The following BZW2 variants were observed in gnomAD, a reference collection of about 807,000 sequenced individuals.
BZW2 encodes the protein eIF5-mimic protein 1.
Under a neutral mutation model 53.2 loss-of-function variants are expected in BZW2, and 23 were observed. That is an observed-to-expected ratio of 0.43 (90% CI 0.31 to 0.61). The LOEUF (loss-of-function observed/expected upper bound fraction) is 0.61, where lower values mean the gene tolerates loss of function less well. BZW2 is among the 20% of genes least tolerant of loss of function. The pLI, the probability that BZW2 is intolerant of heterozygous loss-of-function variation, is 0.09. For missense variants in BZW2, 409 were observed against 503.1 expected (o/e 0.81, Z 1.79); for synonymous variants, 227 against 186.4 (o/e 1.22, Z -1.77).
chr7:16,688,528 G>T (rs978643299), intron 6 of BZW2: 1 of 152,202 alleles, frequency 6.6e-6, no homozygotes, highest in Non-Finnish European at 1.5e-5. Flanking sequence ...GAAAGGGGTG[G>T]TACCAGGACT....
At position 16,688,286 on chromosome 7, in the gene BZW2, C is replaced by T. The variant is rs185350364; in HGVS notation, c.542-1511C>T. Among the ~76,000 whole-genome samples the T allele has an allele frequency of 6.4e-3, 976 of 152,302 alleles. 5 individuals carry two copies. The highest frequency in any genetic ancestry group is 0.015 in the South Asian group (70 of 4,826). The stretch of plus-strand genomic sequence containing the variant: ...TTATCATTCATAGCATTAACTTCAT[C>T]CCAAGGATGGTGCCCCCTCTAGTTG... On this transcript the variant is annotated intron_variant, in intron 6 of 11. Transcript: ENST00000258761.
intron 5 of BZW2, among the ~76,000 whole-genome samples, chr7:16,684,558 G>A (rs1162101424): frequency 6.6e-6 from 1 of 152,118 alleles, no homozygotes; most frequent in Non-Finnish European, 1.5e-5. Flanking sequence ...AAGAAGTGGT[G>A]TTAAAATTTT....
intron 1 of BZW2, among the ~76,000 whole-genome samples, chr7:16,660,534 C>G (rs998474891): frequency 6.6e-6 from 1 of 151,862 alleles, no homozygotes; most frequent in African/African-American, 2.4e-5. Context: ...TTTGTGCAGA[C>G]TACTCTTCGA....
intron 6 of BZW2, chr7:16,687,290 T>A (rs1783156141): frequency 6.6e-6 from 1 of 152,172 alleles, no homozygotes; most frequent in African/African-American, 2.4e-5. Context: ...TGTAGTAAAA[T>A]GTTTGGGGGG....
chr7:16,666,129 C>T (rs938676166), intron 2 of BZW2, among the ~76,000 whole-genome samples: 1 of 152,052 alleles, frequency 6.6e-6, no homozygotes, highest in Non-Finnish European at 1.5e-5. Context: ...GGGTCTTGCA[C>T]TGTCACCCAG....
chr7:16,706,026 G>A, intron 11 of BZW2, 34 bp from the exon 12 acceptor site: 1 of 1,613,038 alleles, frequency 6.2e-7, no homozygotes, highest in Non-Finnish European at 8.5e-7. Flanking sequence ...GAGGAATCTG[G>A]GAGGAAATAT....
At position 16,682,841 on chromosome 7, in the gene BZW2, A is replaced by G. The variant is rs1260399912; in HGVS notation, c.401A>G (p.Lys134Arg). The G allele has an allele frequency of 6.4e-7, 1 of 1,570,254 alleles. No homozygotes were observed. The change falls in exon 5 of 12, where the codon AAA becomes AGA. Residue 134 changes from lysine (K) to arginine (R), a missense_variant. Coordinates refer to ENST00000258761, the MANE Select transcript of BZW2 (RefSeq NM_014038.3). ...YLEKAFEDEM[K>R]KLLLFLKAFS... The stretch of plus-strand genomic sequence containing the variant: ...GAGAAGGCATTTGAAGATGAAATGA[A>G]AAAGGTAAAAATTCAAATATAATGC...
At chr7:16,658,703 C>T (rs769006730) in intron 1 of BZW2, among the ~76,000 whole-genome samples, 52 of 151,814 alleles carry the variant, frequency 3.4e-4, no homozygotes, top group South Asian at 8.3e-4. Flanking sequence ...AGTGAAACCC[C>T]GTCTGTACTA....
intron 7 of BZW2, 21 bp downstream of exon 7, chr7:16,689,927 G>T (rs963810343): frequency 6.3e-7 from 1 of 1,587,854 alleles, no homozygotes; most frequent in South Asian, 1.1e-5. Context: ...TCTGGTTAAA[G>T]AGTTGTATGT....
chr7:16,680,218 G>C (rs1782897961), intron 3 of BZW2, among the ~76,000 whole-genome samples: 1 of 152,092 alleles, frequency 6.6e-6, no homozygotes, highest in Non-Finnish European at 1.5e-5. Context: ...GGTGATCTAG[G>C]TAGAGTATCT....
chr7:16,654,362 C>G (rs2128350264), intron 1 of BZW2, among the ~76,000 whole-genome samples: 1 of 152,154 alleles, frequency 6.6e-6, no homozygotes, highest in Non-Finnish European at 1.5e-5. Flanking sequence ...TGCAATGGAA[C>G]AGATGACTTT....
intron 9 of BZW2, among the ~76,000 whole-genome samples, chr7:16,697,800 T>C (rs996724983): frequency 6.6e-6 from 1 of 152,220 alleles, no homozygotes; most frequent in Non-Finnish European, 1.5e-5. Context: ...CATTGTATTA[T>C]TGGACTGTGG....
intron 1 of BZW2, among the ~76,000 whole-genome samples, 193 bp downstream of exon 1, chr7:16,646,481 C>CT (rs1392225583): frequency 6.6e-6 from 1 of 151,848 alleles, no homozygotes; most frequent in African/African-American, 2.4e-5. Context: ...TATCAGTGCC[C>CT]TGGGATGAAG....
Position 16,671,477 on chromosome 7 carries a change from C to A in BZW2, c.59-2935C>A, listed in dbSNP as rs181620935. Reference sequence around the variant, plus strand: ...TTAATACAAAACACTTAAGGAAAAGCTTGAAATGTCCTTTCACCATTATCC... The same window carrying A: ...TTAATACAAAACACTTAAGGAAAAGATTGAAATGTCCTTTCACCATTATCC... On this transcript the variant is annotated intron_variant, in intron 2 of 11. Coordinates refer to ENST00000258761, the MANE Select transcript of BZW2 (RefSeq NM_014038.3). Among the ~76,000 whole-genome samples, 368 of 152,310 alleles carry A rather than the reference C, an allele frequency of 2.4e-3. 1 individual carries two copies. Among genetic ancestry groups the A allele is most frequent in the African/African-American group, 8.0e-3 (331 of 41,568 alleles).
intron 10 of BZW2, among the ~76,000 whole-genome samples, chr7:16,699,335 T>C (rs948996973): frequency 2.0e-5 from 3 of 152,158 alleles, no homozygotes; most frequent in African/African-American, 7.2e-5. Flanking sequence ...ATACCCAAAG[T>C]GATCCACCCA....
intron 1 of BZW2, among the ~76,000 whole-genome samples, chr7:16,656,290 T>G (rs981726548): frequency 5.9e-5 from 9 of 152,140 alleles, no homozygotes; most frequent in Non-Finnish European, 1.2e-4. Context: ...ACAGACCAGT[T>G]ACTTTGGAGA....
intron 1 of BZW2, among the ~76,000 whole-genome samples, chr7:16,647,513 G>A (rs545862337): frequency 2.6e-5 from 4 of 152,290 alleles, no homozygotes; most frequent in Admixed American, 6.5e-5. Flanking sequence ...AACTCCAGCT[G>A]TTTTTCCCCC....
chr7:16,706,034 T>C (rs538766951), intron 11 of BZW2, 26 bp from the exon 12 acceptor site: 2 of 1,613,452 alleles, frequency 1.2e-6, no homozygotes, highest in African/African-American at 1.3e-5. Flanking sequence ...TGGGAGGAAA[T>C]ATCTCACTTC....
chr7:16,673,992 TG>T (rs1562484477), intron 2 of BZW2, among the ~76,000 whole-genome samples: 1 of 152,208 alleles, frequency 6.6e-6, no homozygotes, highest in African/African-American at 2.4e-5. Context: ...CTCCACCTCC[TG>T]GGTTCAAGTG....
Sources: allele counts gnomAD v4.1 joint callset (sites outside exome capture counted in the v4.1 genomes callset), GRCh38; gene constraint gnomAD v4.1.1; transcripts MANE v1.5; gene names NCBI Gene and HGNC (gene_info 2026-07-23, HGNC 2026-07-21).